Variants in SP100 observed in about 807,000 individuals in gnomAD.
The protein encoded by SP100 is SP100 nuclear body protein, also known as nuclear autoantigen Sp-100.
Under a neutral mutation model 130.0 loss-of-function variants are expected in SP100, and 84 were observed. That is an observed-to-expected ratio of 0.65 (90% CI 0.54 to 0.77). The LOEUF is 0.77. Ranked by LOEUF, SP100 falls within the 30% of genes least tolerant of loss-of-function variation. SP100 has a pLI of 0.00. For synonymous variants in SP100, 331 were observed against 351.7 expected, an observed-to-expected ratio of 0.94 and a Z score of 0.66; for missense variants, 978 against 1,052.2, an observed-to-expected ratio of 0.93 and a Z score of 0.97.
chr2:230,535,150 T>C (rs1691873583), intron 24 of SP100, among the ~76,000 whole-genome samples: 2 of 151,774 alleles, frequency 1.3e-5, no homozygotes, highest in Admixed American at 1.3e-4. Flanking sequence ...GAGCCGAGAT[T>C]GTGCCACTGC....
chr2:230,454,098 G>A (rs1242764596), intron 8 of SP100, among the ~76,000 whole-genome samples: 3 of 152,104 alleles, frequency 2.0e-5, no homozygotes, highest in Non-Finnish European at 2.9e-5. Flanking sequence ...TTATAGCAGT[G>A]TCTTATGATT....
intron 11 of SP100, among the ~76,000 whole-genome samples, chr2:230,464,442 GTTA>G (rs967738921): frequency 9.2e-5 from 14 of 152,138 alleles, no homozygotes; most frequent in African/African-American, 3.4e-4. Flanking sequence ...ACTATCAAGA[GTTA>G]TTATTTCAAG....
intron 15 of SP100, among the ~76,000 whole-genome samples, chr2:230,472,856 T>C (rs904163965): frequency 9.9e-5 from 15 of 152,182 alleles, no homozygotes; most frequent in African/African-American, 2.4e-4. Context: ...AGGCATTTCA[T>C]CCACTCCTGT....
At chr2:230,487,789 T>A (rs984325573) in intron 17 of SP100, among the ~76,000 whole-genome samples, 1 of 152,252 alleles carries the variant, frequency 6.6e-6, no homozygotes, top group Non-Finnish European at 1.5e-5. Context: ...ATGGCCATTT[T>A]CATGATATTG....
intron 23 of SP100, chr2:230,510,308 C>A (rs1690476989): frequency 6.6e-6 from 1 of 152,342 alleles, no homozygotes; most frequent in Admixed American, 6.6e-5. Flanking sequence ...ATCTTGGAGG[C>A]ATTTTGTCTT....
At chr2:230,466,582 C>T (rs1575669373) in intron 12 of SP100, among the ~76,000 whole-genome samples, 1 of 152,150 alleles carries the variant, frequency 6.6e-6, no homozygotes, top group Non-Finnish European at 1.5e-5. Flanking sequence ...CCCAACACAA[C>T]AGAAGGTTTT....
At chr2:230,471,398 G>A (rs1247374281) in intron 15 of SP100, among the ~76,000 whole-genome samples, 1 of 152,102 alleles carries the variant, frequency 6.6e-6, no homozygotes, top group Non-Finnish European at 1.5e-5. Context: ...AGGTTCCCTG[G>A]TTTCCTCGTC....
At chr2:230,480,807 G>A (rs927089363) in intron 17 of SP100, among the ~76,000 whole-genome samples, 18 of 152,324 alleles carry the variant, frequency 1.2e-4, no homozygotes, top group South Asian at 4.1e-4. Context: ...CTTTCTGACT[G>A]GAAGTTGTGG....
rs148407893 is a variant in SP100, at chr2:230,528,139, C to G, written c.2095-11128C>G. ...AACAGAATATACATTCTTCTCACCA[C>G]CACATCACACCTATTCTAGAAGTGA... On this transcript the variant is annotated intron_variant, in intron 24 of 28. Transcript: ENST00000340126. Among the ~76,000 whole-genome samples, 1,466 of 152,348 alleles carry G rather than the reference C, an allele frequency of 9.6e-3. 20 individuals carry two copies. The highest frequency in any genetic ancestry group is 0.034 in the African/African-American group (1,395 of 41,572).
chr2:230,462,005 G>A (rs529871985), intron 9 of SP100, among the ~76,000 whole-genome samples: 10 of 151,422 alleles, frequency 6.6e-5, no homozygotes, highest in African/African-American at 2.4e-4. Flanking sequence ...AGGAAGGCAT[G>A]GGAGAGGAGT....
At position 230,539,398 on chromosome 2, in the gene SP100, C is replaced by T. The variant is rs372067665; in HGVS notation, c.2210+16C>T. 1.1e-4 allele frequency: 165 copies of T among 1,561,788 alleles called. No individual in the cohort carries two copies. The highest frequency in any genetic ancestry group is 1.4e-4 in the Non-Finnish European group (156 of 1,132,734). On this transcript the variant is annotated intron_variant, in intron 25 of 28. Coordinates refer to ENST00000340126, the MANE Select transcript of SP100 (RefSeq NM_001080391.2). ...AAGCTAACAAGTGAGTAAGACATGT[C>T]CCCTTCCCTGAGCCCTTCCTTCTTG...
At chr2:230,446,222 C>T (rs190870430) in intron 4 of SP100, among the ~76,000 whole-genome samples, 2 of 152,210 alleles carry the variant, frequency 1.3e-5, no homozygotes, top group African/African-American at 4.8e-5. Context: ...GATCCTCCCC[C>T]CTCAGCCTCT....
At chr2:230,457,109 T>C (rs575242591) in intron 8 of SP100, among the ~76,000 whole-genome samples, 16 of 152,358 alleles carry the variant, frequency 1.1e-4, no homozygotes, top group Middle Eastern at 3.4e-3. Flanking sequence ...CCATCTGGCA[T>C]GGTACAAGGG....
Position 230,545,577 on chromosome 2 carries a change from G to C in SP100, c.*2631G>C, listed in dbSNP as rs948708221. Among the ~76,000 whole-genome samples, 1 of 151,556 alleles carries C rather than the reference G, an allele frequency of 6.6e-6. No individual in the cohort carries two copies. Among genetic ancestry groups the C allele is most frequent in the Admixed American group, 6.6e-5 (1 of 15,248 alleles). ...AAAGTTTTTTTAATTGTAAATAAAT[G>C]GATCATTAAAAAAAATTTTAATAAT... is the stretch of plus-strand genomic sequence containing the variant. On this transcript the variant is annotated 3_prime_UTR_variant, in exon 29 of 29. Transcript: ENST00000340126.
intron 1 of SP100, 34 bp downstream of exon 1, chr2:230,416,362 C>T (rs1195103530): frequency 6.3e-7 from 1 of 1,597,890 alleles, no homozygotes; most frequent in Non-Finnish European, 8.6e-7. Context: ...TAACCTTTAT[C>T]TCTGGCTATA....
Position 230,443,041 on chromosome 2 carries a change from C to T in SP100, c.212C>T (p.Thr71Ile). The T allele has an allele frequency of 6.2e-7, 1 of 1,613,938 alleles. No individual in the cohort carries two copies. The highest frequency in any genetic ancestry group is 1.3e-5 in the African/African-American group (1 of 75,042). Reference protein sequence around the residue: ...KVEISNAIKKTFPFLEGLRDR... With the variant: ...KVEISNAIKKIFPFLEGLRDR... ...GAGATTTCAAATGCAATAAAAAAGA[C>T]ATTTCCATTCCTCGAGGGCCTCCGT... Residue 71 changes from threonine (T) to isoleucine (I), a missense_variant, in exon 3 of 29, where the codon ACA (threonine) becomes ATA (isoleucine). Coordinates refer to ENST00000340126, the MANE Select transcript of SP100 (RefSeq NM_001080391.2).
chr2:230,458,810 C>T (rs2064425003), intron 8 of SP100, among the ~76,000 whole-genome samples: 1 of 151,940 alleles, frequency 6.6e-6, no homozygotes, highest in African/African-American at 2.4e-5. Context: ...ATATAGCACT[C>T]ACACATCAGA....
chr2:230,442,879 C>G (rs1046454614), intron 2 of SP100, 58 bp from the exon 3 acceptor site: 5 of 1,463,722 alleles, frequency 3.4e-6, no homozygotes, highest in Non-Finnish European at 4.7e-6. Context: ...CTCTTACAGC[C>G]TCCACAAACA....
intron 2 of SP100, among the ~76,000 whole-genome samples, chr2:230,427,266 A>G (rs2062961170): frequency 6.6e-6 from 1 of 151,810 alleles, no homozygotes; most frequent in Non-Finnish European, 1.5e-5. Flanking sequence ...GGTTCAAGCA[A>G]TTCTCCTGCC....
Sources: allele counts gnomAD v4.1 joint callset (sites outside exome capture counted in the v4.1 genomes callset), GRCh38; gene constraint gnomAD v4.1.1; transcripts MANE v1.5; gene names NCBI Gene and HGNC (gene_info 2026-07-23, HGNC 2026-07-21).